Variants in PACSIN2 observed in about 807,000 individuals in gnomAD.
PACSIN2 encodes protein kinase C and casein kinase substrate in neurons 2.
In PACSIN2, 25 loss-of-function variants were observed where a neutral mutation model predicts 63.8. The observed-to-expected ratio is 0.39, with a 90% CI of 0.29 to 0.55. PACSIN2 has a LOEUF of 0.55. Among genes scored for constraint, PACSIN2 ranks in the 20% least tolerant of loss-of-function variants. The probability of loss-of-function intolerance (pLI) is 0.62; values close to 1 mark genes in which losing one functional copy is unlikely to be tolerated. For synonymous variants in PACSIN2, 255 were observed against 256.2 expected, an observed-to-expected ratio of 1.00 and a Z score of 0.05; for missense variants, 518 against 646.9, an observed-to-expected ratio of 0.80 and a Z score of 2.16.
chr22:42,949,019 A>T (rs1933558128), intron 1 of PACSIN2, among the ~76,000 whole-genome samples: 1 of 152,192 alleles, frequency 6.6e-6, no homozygotes, highest in African/African-American at 2.4e-5. Context: ...TGGGTCAGGC[A>T]TAGTGGCTCA....
intron 1 of PACSIN2, among the ~76,000 whole-genome samples, chr22:42,957,079 G>C (rs952267052): frequency 2.6e-5 from 4 of 151,478 alleles, no homozygotes; most frequent in African/African-American, 9.8e-5. Flanking sequence ...TGCGGCTCCT[G>C]AGCCTGCAGC....
At chr22:42,965,458 G>GA (rs1920945220) in intron 1 of PACSIN2, among the ~76,000 whole-genome samples, 1 of 152,126 alleles carries the variant, frequency 6.6e-6, no homozygotes, top group Non-Finnish European at 1.5e-5. Context: ...AAGAAGGTGA[G>GA]AAAACAGGAG....
At chr22:42,920,390 T>C (rs1385251019) in intron 1 of PACSIN2, among the ~76,000 whole-genome samples, 1 of 152,238 alleles carries the variant, frequency 6.6e-6, no homozygotes, top group Non-Finnish European at 1.5e-5. Context: ...TTCTGGATTC[T>C]TTCCCATCAC....
At chr22:42,961,141 T>C (rs148300715) in intron 1 of PACSIN2, among the ~76,000 whole-genome samples, 11 of 152,312 alleles carry the variant, frequency 7.2e-5, no homozygotes, top group Middle Eastern at 6.8e-3. Flanking sequence ...CAAAAGAACA[T>C]ACTGCAAGGG....
At chr22:42,986,727 G>A (rs1163106752) in intron 1 of PACSIN2, among the ~76,000 whole-genome samples, 2 of 152,016 alleles carry the variant, frequency 1.3e-5, no homozygotes, top group Non-Finnish European at 2.9e-5. Flanking sequence ...TGAAGACAAA[G>A]AACATTCCAG....
At chr22:42,919,836 C>A (rs912262664) in intron 1 of PACSIN2, among the ~76,000 whole-genome samples, 2 of 148,544 alleles carry the variant, frequency 1.3e-5, no homozygotes, top group Non-Finnish European at 3.0e-5. Context: ...CTGAGCTCAG[C>A]CAGGCACGGT....
rs759729412 is a variant in PACSIN2, at chr22:42,912,056, C to T, written c.25G>A (p.Val9Ile). 1.1e-5 allele frequency: 17 copies of T among 1,603,546 alleles called. No individual in the cohort carries two copies. The highest frequency in any genetic ancestry group is 5.6e-5 in the South Asian group (5 of 88,812). ...CTGTCGCTGGACACTTCTACTCCAA[C>T]GGAATCATCATATGTGACAGACATT... MSVTYDDS[V>I]GVEVSSDSFW... Residue 9 changes from valine (V) to isoleucine (I), a missense_variant, in exon 2 of 11, where the codon GTT becomes ATT. By Grantham distance (29) the Val-to-Ile change is conservative (BLOSUM62 3). Coordinates refer to ENST00000263246, the MANE Select transcript of PACSIN2 (RefSeq NM_001184970.3).
At chr22:42,891,702 G>C (rs548380215) in intron 3 of PACSIN2, among the ~76,000 whole-genome samples, 1 of 152,084 alleles carries the variant, frequency 6.6e-6, no homozygotes, top group Non-Finnish European at 1.5e-5. Flanking sequence ...CACCGCGCCC[G>C]GCCATGCCTT....
At chr22:42,981,664 C>T (rs1400566024) in intron 1 of PACSIN2, among the ~76,000 whole-genome samples, 2 of 125,276 alleles carry the variant, frequency 1.6e-5, no homozygotes. Flanking sequence ...GTCAGCCCCC[C>T]GCCCGGCCAG....
At chr22:42,895,221 T>G (rs1355547569) in intron 2 of PACSIN2, among the ~76,000 whole-genome samples, 1 of 152,218 alleles carries the variant, frequency 6.6e-6, no homozygotes, top group Non-Finnish European at 1.5e-5. Context: ...AAGTGAGCAT[T>G]TTCACAGCTC....
At chr22:42,933,690 G>A (rs758053517) in intron 1 of PACSIN2, among the ~76,000 whole-genome samples, 7 of 152,170 alleles carry the variant, frequency 4.6e-5, no homozygotes, top group South Asian at 2.1e-4. Context: ...CACAGCCCCC[G>A]CACCCTGCAC....
chr22:42,963,227 A>G (rs1920929229), intron 1 of PACSIN2, among the ~76,000 whole-genome samples: 1 of 152,258 alleles, frequency 6.6e-6, no homozygotes, highest in Admixed American at 6.5e-5. Flanking sequence ...CAGGCTGAGC[A>G]GAAGTGCAAA....
chr22:42,999,061 G>C (rs561424696), intron 1 of PACSIN2, among the ~76,000 whole-genome samples: 2 of 152,310 alleles, frequency 1.3e-5, no homozygotes, highest in East Asian at 3.9e-4. Flanking sequence ...CTGGACGCCA[G>C]ATAATTCGGG....
chr22:42,889,373 T>TACAC (rs58408551), intron 4 of PACSIN2, among the ~76,000 whole-genome samples: 28 of 122,548 alleles, frequency 2.3e-4, no homozygotes, highest in South Asian at 5.5e-4. Flanking sequence ...TAATGGTTTT[T>TACAC]ACACACACAC....
chr22:42,890,546 CG>C (rs1003233747), intron 4 of PACSIN2, among the ~76,000 whole-genome samples: 5 of 151,888 alleles, frequency 3.3e-5, no homozygotes, highest in African/African-American at 9.7e-5. Flanking sequence ...GGTGAAACCC[CG>C]TCTCTACTAA....
At chr22:42,931,092 C>T (rs182354342) in intron 1 of PACSIN2, among the ~76,000 whole-genome samples, 23 of 152,362 alleles carry the variant, frequency 1.5e-4, no homozygotes, top group Non-Finnish European at 2.2e-4. Context: ...CTATTCCAGA[C>T]GCCTGCCTGC....
chr22:42,949,309 ACTC>A (rs1195891462), intron 1 of PACSIN2, among the ~76,000 whole-genome samples: 6 of 151,880 alleles, frequency 4.0e-5, no homozygotes, highest in Non-Finnish European at 8.8e-5. Context: ...TCCTAGTATG[ACTC>A]CTCCTGGCCT....
intron 2 of PACSIN2, among the ~76,000 whole-genome samples, chr22:42,906,372 A>G (rs1931074556): frequency 6.6e-6 from 1 of 152,264 alleles, no homozygotes; most frequent in Non-Finnish European, 1.5e-5. Flanking sequence ...GTCTGTTTTC[A>G]TAAGCGTCCA....
At position 42,891,199 on chromosome 22, in the gene PACSIN2, A is replaced by G. The variant is rs1016897744; in HGVS notation, c.218-17T>C. 4 of 1,580,812 alleles carry G rather than the reference A, an allele frequency of 2.5e-6. No individual in the cohort carries two copies. The African/African-American group carries it at 5.4e-5, about 21-fold the overall frequency. On this transcript the variant is annotated splice_polypyrimidine_tract_variant and intron_variant, in intron 3 of 10. Transcript: ENST00000263246. ...ACTGGGGCCCTGTGCAGGGGAGAGA[A>G]GCTGCGGGTCACTCAGCGCCGGCCA...
Sources: gnomAD v4.1 joint callset for allele counts (sites outside exome capture counted in the v4.1 genomes callset) on GRCh38, gnomAD v4.1.1 for gene constraint, MANE v1.5 for transcripts, NCBI Gene and HGNC (gene_info 2026-07-23, HGNC 2026-07-21) for gene names.